PAPLN: variants seen among roughly 807,000 people sequenced by gnomAD.
PAPLN encodes papilin, proteoglycan like sulfated glycoprotein.
In PAPLN, 146 loss-of-function variants were observed where a neutral mutation model predicts 159.0. The ratio of observed to expected loss-of-function variants is 0.92; its 90% CI spans 0.80 to 1.05. The LOEUF is 1.05. PAPLN is among the 50% of genes least tolerant of loss of function. The probability of loss-of-function intolerance (pLI) is 0.00; values close to 1 mark genes in which losing one functional copy is unlikely to be tolerated. For missense variants in PAPLN, 1,720 were observed against 1,743.9 expected (o/e 0.99, Z 0.24); for synonymous variants, 734 against 702.9 (o/e 1.04, Z -0.70).
chr14:73,262,195 T>A, intron 18 of PAPLN, 155 bp from the exon 19 acceptor site: 1 of 773,888 alleles, frequency 1.3e-6, no homozygotes, highest in East Asian at 2.5e-5. Context: ...GGAAGCATCC[T>A]GGATCCCAGG....
upstream of PAPLN, chr14:73,237,376 C>T (rs1883092053): frequency 6.6e-6 from 1 of 152,332 alleles, no homozygotes; most frequent in South Asian, 2.1e-4. Flanking sequence ...ACACCGGTCA[C>T]CACGAGGGCC....
chr14:73,258,930 C>A, intron 14 of PAPLN, 49 bp from the exon 15 acceptor site: 2 of 1,532,398 alleles, frequency 1.3e-6, no homozygotes, highest in Non-Finnish European at 1.8e-6. Context: ...TCAGGTCCAT[C>A]CTCTCTTCCT....
At chr14:73,252,203 G>A in intron 10 of PAPLN, 62 bp downstream of exon 10, 7 of 1,504,528 alleles carry the variant, frequency 4.7e-6, no homozygotes, top group Non-Finnish European at 6.2e-6. Flanking sequence ...CACGGCCACA[G>A]GTGGGCAAGT....
At chr14:73,264,474 G>C (rs1887004074) in intron 21 of PAPLN, 114 bp from the exon 22 acceptor site, 2 of 1,521,644 alleles carry the variant, frequency 1.3e-6, no homozygotes, top group South Asian at 2.6e-5. Flanking sequence ...TGCTGGCAGG[G>C]ACCACCCTGT....
chr14:73,265,331 G>T lies in PAPLN; in HGVS notation c.3126-39G>T. On this transcript the variant is annotated intron_variant, in intron 22 of 26. Coordinates refer to ENST00000644200, the MANE Select transcript of PAPLN (RefSeq NM_001365906.3). This position sits in a 1 kb window ranked among gnomAD's most constrained non-coding sequence, Gnocchi z 4.1. The stretch of plus-strand genomic sequence containing the variant: ...GCCCATGGGAGTAGGCGGGGGCAAC[G>T]GCAAGGGCCCCTCATGCTGTGGGCT... 1 of 1,594,562 alleles carries T rather than the reference G, an allele frequency of 6.3e-7. No homozygotes were observed. The highest frequency in any genetic ancestry group is 8.5e-7 in the Non-Finnish European group (1 of 1,173,890).
upstream of PAPLN, among the ~76,000 whole-genome samples, chr14:73,237,268 G>A (rs1301872309): frequency 6.6e-6 from 1 of 152,186 alleles, no homozygotes; most frequent in Admixed American, 6.5e-5. Flanking sequence ...GGATTGGAGA[G>A]GTGACTGGCG....
rs1885073896 is a variant in PAPLN at position 73,250,122 on chromosome 14, G to A, written c.465+8G>A. ...GTGGATGGCAGCTGCCGGGTGAGTG[G>A]TGCCCCAGCCCCTCCCTGCCTCCGG... On this transcript the variant is annotated splice_region_variant and intron_variant, in intron 6 of 26. Coordinates refer to ENST00000644200, the MANE Select transcript of PAPLN (RefSeq NM_001365906.3). The A allele has an allele frequency of 1.2e-6, 2 of 1,602,062 alleles. No individual in the cohort carries two copies. The highest frequency in any genetic ancestry group is 1.7e-5 in the Admixed American group (1 of 58,588).
chr14:73,239,499 CTCTT>C, intron 1 of PAPLN: 1 of 469,014 alleles, frequency 2.1e-6, no homozygotes, highest in Non-Finnish European at 3.7e-6. Flanking sequence ...TAATTGCTCT[CTCTT>C]TTTTTCCCCT....
intron 5 of PAPLN, among the ~76,000 whole-genome samples, chr14:73,247,057 T>G (rs1884479474): frequency 6.6e-6 from 1 of 152,194 alleles, no homozygotes; most frequent in South Asian, 2.1e-4. Context: ...TTTTGAGCCC[T>G]GTTTTTGCTC....
chr14:73,243,555 C>T lies in PAPLN; in HGVS notation c.55-1089C>T, dbSNP rs1426831089. 5.9e-5 allele frequency: 9 copies of T among 152,204 alleles called. No individual in the cohort carries two copies. In the East Asian group the frequency reaches 1.3e-3, roughly 23 times the overall value. 9.4% of individuals were successfully genotyped at this position (152,204 alleles called of 1,614,324 possible). ...AGCAGAGGACTGCAGTGAGGCTGGC[C>T]GGCTACTGTGCCCACTTCTTCCCCT... On this transcript the variant is annotated intron_variant, in intron 2 of 26. Coordinates refer to ENST00000644200, the MANE Select transcript of PAPLN (RefSeq NM_001365906.3).
intron 10 of PAPLN, 130 bp downstream of exon 10, chr14:73,252,271 C>T (rs1885368767): frequency 1.5e-6 from 2 of 1,364,710 alleles, no homozygotes; most frequent in East Asian, 2.6e-5. Flanking sequence ...GGCGAGAAAT[C>T]TCTGTGTTAT....
Position 73,239,923 on chromosome 14 carries a change from G to C in PAPLN, c.54+91G>C. 2.2e-5 allele frequency: 32 copies of C among 1,467,072 alleles called. 2 individuals carry two copies. In the South Asian group the frequency reaches 4.0e-4, roughly 18 times the overall value. The allele number at this position is 1,467,072 out of a possible 1,614,324, so 90.9% of individuals were successfully genotyped here. A position where few individuals can be genotyped will look rare whatever the true frequency, so the allele number is the denominator to read the frequency against. On this transcript the variant is annotated intron_variant, in intron 2 of 26. Coordinates refer to ENST00000644200, the MANE Select transcript of PAPLN (RefSeq NM_001365906.3). ...GCCCGCAGGCAACGTCCCCAGGAAA[G>C]GGGCGATGTCAGGGAAGCTGGGCTG...
chr14:73,245,982 A>G lies in PAPLN; in HGVS notation c.232-91A>G. On this transcript the variant is annotated intron_variant, in intron 4 of 26. Coordinates refer to ENST00000644200, the MANE Select transcript of PAPLN (RefSeq NM_001365906.3). This position sits in a 1 kb window ranked among gnomAD's most constrained non-coding sequence, Gnocchi z 4.2. ...GGCTCCGATGGGGCAGGCAAGGGAGACTCCTGGGCTCCCTGGGCTCGGGCG... is the reference window on the plus strand; with the variant it reads ...GGCTCCGATGGGGCAGGCAAGGGAGGCTCCTGGGCTCCCTGGGCTCGGGCG... 7.9e-7 allele frequency: 1 copy of G among 1,269,712 alleles called. No homozygotes were observed. The highest frequency in any genetic ancestry group is 2.9e-5 in the Admixed American group (1 of 34,590). The allele number at this position is 1,269,712 out of a possible 1,614,324, so 78.7% of individuals were successfully genotyped here. A position where few individuals can be genotyped will look rare whatever the true frequency, so the allele number is the denominator to read the frequency against.
Position 73,262,228 on chromosome 14 carries a change from G to A in PAPLN, c.2246-122G>A, listed in dbSNP as rs1886661798. On this transcript the variant is annotated intron_variant, in intron 18 of 26. Coordinates refer to ENST00000644200, the MANE Select transcript of PAPLN (RefSeq NM_001365906.3). ...AGGGCCAGGTCAGGCCCCCAGACAG[G>A]GGTGTAGACATGCTTTATAAGTGGG... is the stretch of plus-strand genomic sequence containing the variant. 7 of 992,786 alleles carry A rather than the reference G, an allele frequency of 7.1e-6. No homozygotes were observed. The Admixed American group carries it at 1.1e-4, about 16-fold the overall frequency. The allele number at this position is 992,786 out of a possible 1,614,324, so 61.5% of individuals were successfully genotyped here. A position where few individuals can be genotyped will look rare whatever the true frequency, so the allele number is the denominator to read the frequency against.
intron 11 of PAPLN, chr14:73,253,352 TC>T: frequency 1.1e-6 from 1 of 871,284 alleles, no homozygotes; most frequent in Non-Finnish European, 1.6e-6. Context: ...GGCTGCTCTT[TC>T]CTCTGGGTCC....
rs1453167080 is a variant in PAPLN, at chr14:73,245,699, A to G, written c.231+3A>G. 4 of 1,546,650 alleles carry G rather than the reference A, an allele frequency of 2.6e-6. No individual in the cohort carries two copies. Among genetic ancestry groups the G allele is most frequent in the East Asian group, 4.8e-5 (2 of 41,494 alleles). On this transcript the variant is annotated splice_donor_region_variant and intron_variant, in intron 4 of 26. Coordinates refer to ENST00000644200, the MANE Select transcript of PAPLN (RefSeq NM_001365906.3). The surrounding 1 kb of genome is among the most constrained non-coding windows in gnomAD (Gnocchi z 4.2). ...GCCACCGCTCTTGTCGCACGGAGGT[A>G]AAGCTCACGGGGCGCGGGCGAAGGC...
At chr14:73,258,617 C>CAAAAAA (rs1886185756) in intron 14 of PAPLN, among the ~76,000 whole-genome samples, 2 of 30,864 alleles carry the variant, frequency 6.5e-5, no homozygotes, top group Admixed American at 4.5e-4. Flanking sequence ...GACCCTATCT[C>CAAAAAA]TAAAAAAAAA....
Position 73,246,080 on chromosome 14 carries a change from C to A in PAPLN, c.239C>A (p.Pro80His). ...TTCCCCTCCGCCCCGCAGAGCTGCC[C>A]CGACGGCGCCCGGGACTTCCGGGCC... ...SHRSCRTESC[P>H]DGARDFRAEQ... is the part of the protein sequence containing the mutation. The change falls in exon 5 of 27, where the codon CCC (proline) becomes CAC (histidine). Residue 80 changes from proline (P) to histidine (H), a missense_variant. Coordinates refer to ENST00000644200, the MANE Select transcript of PAPLN (RefSeq NM_001365906.3). 14 of 1,555,974 alleles carry A rather than the reference C, an allele frequency of 9.0e-6. No homozygotes were observed. The highest frequency in any genetic ancestry group is 1.1e-5 in the Non-Finnish European group (13 of 1,155,276).
Position 73,251,573 on chromosome 14 carries a change from G to A in PAPLN, c.670+7G>A. On this transcript the variant is annotated splice_region_variant and intron_variant, in intron 8 of 26. Transcript: ENST00000644200. ...GCCAGCAGGAACTTCCTGGGTGAGA[G>A]CCTAGGGTTAGGTCCTAGGCAGGTC... 1.2e-6 allele frequency: 2 copies of A among 1,613,124 alleles called. No individual in the cohort carries two copies. Among genetic ancestry groups the A allele is most frequent in the African/African-American group, 1.3e-5 (1 of 75,060 alleles).
Sources: allele counts gnomAD v4.1 joint callset (sites outside exome capture counted in the v4.1 genomes callset), GRCh38; gene constraint gnomAD v4.1.1; non-coding constraint Gnocchi (gnomAD v3.1); transcripts MANE v1.5; gene names NCBI Gene and HGNC (gene_info 2026-07-23, HGNC 2026-07-21).